The following KIF15 variants were observed in gnomAD, a reference collection of about 807,000 sequenced individuals.
The protein encoded by KIF15 is kinesin family member 15, also known as kinesin-like protein KIF15.
KIF15 carries 140 observed loss-of-function variants against 190.6 expected under a neutral mutation model. The ratio of observed to expected loss-of-function variants is 0.73; its 90% CI spans 0.64 to 0.84. The LOEUF is 0.84. Among genes scored for constraint, KIF15 ranks in the 40% least tolerant of loss-of-function variants. The pLI is 0.00. For synonymous variants in KIF15, 528 were observed against 551.3 expected (o/e 0.96, Z 0.59); for missense variants, 1,372 against 1,584.4 (o/e 0.87, Z 2.28).
At position 44,802,804 on chromosome 3, in the gene KIF15, T is replaced by G. The variant is rs1353062940; in HGVS notation, c.1510-10T>G. The G allele has an allele frequency of 2.6e-6, 4 of 1,544,412 alleles. No homozygotes were observed. The East Asian group carries it at 6.9e-5, about 27-fold the overall frequency. ...AAATATATAATGCGTGTAATTCTTC[T>G]ATGTCACAGATAGAGCACCACCCCA... is the stretch of plus-strand genomic sequence containing the variant. On this transcript the variant is annotated splice_polypyrimidine_tract_variant and intron_variant, in intron 13 of 34. Coordinates refer to ENST00000326047, the MANE Select transcript of KIF15 (RefSeq NM_020242.3).
At chr3:44,763,419 A>G (rs564921241) in intron 1 of KIF15, among the ~76,000 whole-genome samples, 1 of 152,180 alleles carries the variant, frequency 6.6e-6, no homozygotes, top group South Asian at 2.1e-4. Context: ...CTCCTGCCTG[A>G]GTCTCCCAAG....
In KIF15 at chr3:44,829,820, A is replaced by G. The variant is rs573100699; in HGVS notation, c.2944-151A>G. 4.6e-4 allele frequency: 77 copies of G among 166,836 alleles called. No individual in the cohort carries two copies. The East Asian group carries it at 0.011, about 23-fold the overall frequency. The allele number at this position is 166,836 out of a possible 1,614,324, so 10.3% of individuals were successfully genotyped here. A position where few individuals can be genotyped will look rare whatever the true frequency, so the allele number is the denominator to read the frequency against. ...TATATAATATATGTATATATATTAT[A>G]TATATAAATTGATACTAATGTGACA... On this transcript the variant is annotated intron_variant, in intron 24 of 34. Transcript: ENST00000326047.
chr3:44,768,979 G>A (rs1211146942), intron 1 of KIF15, among the ~76,000 whole-genome samples: 1 of 152,190 alleles, frequency 6.6e-6, no homozygotes, highest in Non-Finnish European at 1.5e-5. Flanking sequence ...TGCACAGGGA[G>A]AGGGAGGCCA....
At chr3:44,820,765 C>A (rs963413472) in intron 20 of KIF15, among the ~76,000 whole-genome samples, 36 of 152,216 alleles carry the variant, frequency 2.4e-4, no homozygotes, top group African/African-American at 8.0e-4. Context: ...TACACAAACA[C>A]GGCAACCATC....
intron 27 of KIF15, among the ~76,000 whole-genome samples, chr3:44,839,473 T>C (rs560824839): frequency 1.3e-5 from 2 of 152,328 alleles, no homozygotes; most frequent in East Asian, 3.9e-4. Context: ...TATTTTAATA[T>C]CTTACTGCTT....
intron 6 of KIF15, among the ~76,000 whole-genome samples, chr3:44,859,872 C>G (rs1575700137): frequency 6.6e-6 from 1 of 152,184 alleles, no homozygotes; most frequent in Admixed American, 6.5e-5. Flanking sequence ...TAATGAGAAT[C>G]TTCATCTTAG....
chr3:44,822,483 T>C (rs894203125), intron 20 of KIF15, among the ~76,000 whole-genome samples: 4 of 152,206 alleles, frequency 2.6e-5, no homozygotes, highest in Non-Finnish European at 1.5e-5. Context: ...TTATGTGTCT[T>C]GGGGTTGCTC....
chr3:44,819,665 CTA>C (rs1708177812), intron 20 of KIF15, among the ~76,000 whole-genome samples: 1 of 152,044 alleles, frequency 6.6e-6, no homozygotes. Context: ...TTACTTTTAA[CTA>C]TGTGGTCAAT....
At chr3:44,853,701 C>G (rs1443017126), downstream of KIF15, among the ~76,000 whole-genome samples, 1 of 152,220 alleles carries the variant, frequency 6.6e-6, no homozygotes, top group Non-Finnish European at 1.5e-5. Context: ...CACATTTTCA[C>G]CAACACTTGT....
intron 8 of KIF15, 121 bp from the exon 9 acceptor site, chr3:44,797,430 T>A (rs1707041707): frequency 1.1e-6 from 1 of 922,882 alleles, no homozygotes; most frequent in Admixed American, 2.5e-5. Flanking sequence ...TGTTCTTTAT[T>A]AACATTGTCC....
intron 15 of KIF15, among the ~76,000 whole-genome samples, chr3:44,805,396 T>A (rs187582807): frequency 4.6e-5 from 7 of 152,356 alleles, no homozygotes; most frequent in Non-Finnish European, 7.3e-5. Flanking sequence ...GAGAGTCTAT[T>A]GAACTTGCAT....
rs371721310 is a variant in KIF15, at chr3:44,769,674, G to GT, written c.20-4711dup. On this transcript the variant is annotated intron_variant, in intron 1 of 34. Transcript: ENST00000326047. The stretch of plus-strand genomic sequence containing the variant: ...TCTGCTTCTGGATCCCTCAGATCCA[G>GT]TTTTTTTTTTCTTAGGGCTTTGACC... 4.5e-3 allele frequency among the ~76,000 whole-genome samples: 674 copies of GT among 149,876 alleles called. 5 individuals are homozygous for GT. The highest frequency in any genetic ancestry group is 6.8e-3 in the Middle Eastern group (2 of 294).
At chr3:44,840,996 A>G in intron 28 of KIF15, 78 bp from the exon 29 acceptor site, 1 of 1,317,614 alleles carries the variant, frequency 7.6e-7, no homozygotes, top group Non-Finnish European at 1.1e-6. Flanking sequence ...TTTTTTATGT[A>G]CTTGACATTT....
chr3:44,845,439 G>A (rs543923051), intron 30 of KIF15, among the ~76,000 whole-genome samples: 9 of 152,070 alleles, frequency 5.9e-5, no homozygotes, highest in Admixed American at 3.9e-4. Flanking sequence ...AACGATTTTG[G>A]TAATTACAAC....
chr3:44,825,588 T>G (rs80035749), intron 20 of KIF15, among the ~76,000 whole-genome samples: 2,835 of 152,324 alleles, frequency 0.019, 76 homozygotes, highest in African/African-American at 0.063. Flanking sequence ...TCAAATCAAA[T>G]TCACATTGTC....
intron 30 of KIF15, 64 bp downstream of exon 30, chr3:44,843,298 G>A (rs1698696807): frequency 5.8e-6 from 6 of 1,042,804 alleles, no homozygotes; most frequent in Non-Finnish European, 8.7e-6. Context: ...AGTTAAATGA[G>A]GTTGGAATTG....
intron 24 of KIF15, among the ~76,000 whole-genome samples, chr3:44,829,602 G>GTATATATATTATATATGTATATA (rs1697923006): frequency 3.4e-5 from 1 of 29,536 alleles, no homozygotes; most frequent in African/African-American, 1.7e-4. Flanking sequence ...TATTATATAT[G>GTATATATATTATATATGTATATA]CATATATATT....
intron 13 of KIF15, 80 bp downstream of exon 13, chr3:44,802,054 C>A: frequency 2.1e-6 from 2 of 932,288 alleles, no homozygotes; most frequent in Non-Finnish European, 3.2e-6. Flanking sequence ...AGTACTTGTT[C>A]TTTAATACAA....
intron 16 of KIF15, among the ~76,000 whole-genome samples, chr3:44,808,351 G>C (rs2125651070): frequency 6.6e-6 from 1 of 152,116 alleles, no homozygotes; most frequent in East Asian, 1.9e-4. Flanking sequence ...CAGAGTCTTT[G>C]TTGTTGTTTT....
Sources: allele counts gnomAD v4.1 joint callset (sites outside exome capture counted in the v4.1 genomes callset), GRCh38; gene constraint gnomAD v4.1.1; transcripts MANE v1.5; gene names NCBI Gene and HGNC (gene_info 2026-07-23, HGNC 2026-07-21).